NSUN6: variants seen among roughly 807,000 people sequenced by gnomAD.
NSUN6 encodes NOP2/Sun RNA methyltransferase 6, also known as tRNA (cytosine(72)-C(5))-methyltransferase NSUN6.
NSUN6 carries 64 observed loss-of-function variants against 58.0 expected under a neutral mutation model. The ratio of observed to expected loss-of-function variants is 1.10; its 90% CI spans 0.90 to 1.36. The LOEUF is 1.36. Among genes scored for constraint, NSUN6 ranks in the 40% most tolerant of loss-of-function variants. NSUN6 has a pLI of 0.00. For synonymous variants in NSUN6, 231 were observed against 193.9 expected (o/e 1.19, Z -1.59); for missense variants, 701 against 550.1 (o/e 1.27, Z -2.74).
intron 9 of NSUN6, 80 bp from the exon 10 acceptor site, chr10:18,548,317 T>C (rs2054408305): frequency 6.5e-6 from 8 of 1,228,448 alleles, no homozygotes; most frequent in Middle Eastern, 3.9e-4. Context: ...AAAGGTATAA[T>C]GTCTTTCAAA....
chr10:18,577,432 T>C (rs1008860824), intron 8 of NSUN6, among the ~76,000 whole-genome samples: 11 of 152,104 alleles, frequency 7.2e-5, no homozygotes, highest in Admixed American at 2.0e-4. Context: ...GCAGCCGTAA[T>C]GGGTGTACTT....
chr10:18,629,832 T>C (rs1590134602), intron 3 of NSUN6, among the ~76,000 whole-genome samples: 5 of 147,644 alleles, frequency 3.4e-5, no homozygotes, highest in African/African-American at 1.0e-4. Flanking sequence ...ACTGTCAACA[T>C]TACACAGATC....
At chr10:18,652,620 G>T, upstream of NSUN6, 1 of 932,896 alleles carries the variant, frequency 1.1e-6, no homozygotes, top group Non-Finnish European at 1.3e-6. Flanking sequence ...GAGTGGAATG[G>T]TGGGATCTCG....
In NSUN6 at chr10:18,548,193, C is replaced by T. The variant is rs761292595; in HGVS notation, c.1116G>A (p.Thr372=). 2.9e-5 allele frequency: 46 copies of T among 1,612,854 alleles called. 1 individual carries two copies. In the South Asian group the frequency reaches 3.7e-4, roughly 13 times the overall value. Reference sequence around the variant, plus strand: ...CATTTTCGGCCAGTGTTATAGTGCACGTGCTATAAACCAGCACACCCTCTG... The same window carrying T: ...CATTTTCGGCCAGTGTTATAGTGCATGTGCTATAAACCAGCACACCCTCTG... The part of the protein sequence containing the change: ...LKPEGVLVYS[T]CTITLAENEE... Residue 372 remains threonine, a synonymous_variant, in exon 10 of 11, where the codon ACG becomes ACA. Transcript: ENST00000377304.
chr10:18,586,061 G>A lies in NSUN6; in HGVS notation c.810C>T (p.Asn270=), dbSNP rs1372163441. 1.3e-5 allele frequency: 21 copies of A among 1,605,662 alleles called. No homozygotes were observed. Among genetic ancestry groups the A allele is most frequent in the Non-Finnish European group, 1.5e-5 (18 of 1,176,318 alleles). ...GEVIALDKIF[N]KVEKIKQNAL... ...CATTCTGTTTGATTTTTTCTACTTT[G>A]TTGAAGATTTTATCCAGTGCTATAA... The change falls in exon 8 of 11, where the codon AAC becomes AAT. Residue 270 remains asparagine (N), a synonymous_variant. Transcript: ENST00000377304.
chr10:18,559,815 A>G (rs972225233), intron 8 of NSUN6, among the ~76,000 whole-genome samples: 1 of 65,598 alleles, frequency 1.5e-5, no homozygotes, highest in East Asian at 2.4e-3. Flanking sequence ...AATGGAAAAG[A>G]GAATGGAATG....
At chr10:18,552,567 C>A (rs1374394384) in intron 8 of NSUN6, among the ~76,000 whole-genome samples, 1 of 152,032 alleles carries the variant, frequency 6.6e-6, no homozygotes, top group East Asian at 1.9e-4. Flanking sequence ...ACCAAGTGGT[C>A]TGTTTACATA....
upstream of NSUN6, chr10:18,654,916 G>A (rs933651801): frequency 1.0e-5 from 2 of 199,006 alleles, no homozygotes; most frequent in Non-Finnish European, 1.8e-5. Context: ...GGAAAGTAAA[G>A]GGAAGAATGA....
chr10:18,562,251 G>A (rs62648427), intron 8 of NSUN6, among the ~76,000 whole-genome samples: 1 of 150,918 alleles, frequency 6.6e-6, no homozygotes, highest in East Asian at 2.0e-4. Flanking sequence ...GAATGGATTG[G>A]ACAGGAATGC....
chr10:18,653,332 A>T (rs2059741134), upstream of NSUN6: 1 of 982,632 alleles, frequency 1.0e-6, no homozygotes, highest in East Asian at 1.1e-4. Context: ...GCCAGAAATT[A>T]CTTCACTAGT....
intron 2 of NSUN6, among the ~76,000 whole-genome samples, chr10:18,643,813 T>A (rs747980916): frequency 1.3e-5 from 2 of 152,206 alleles, no homozygotes; most frequent in Non-Finnish European, 2.9e-5. Flanking sequence ...TGATTTAGAC[T>A]ATAGAAATAT....
intron 6 of NSUN6, among the ~76,000 whole-genome samples, chr10:18,597,210 A>G (rs1363296187): frequency 6.6e-6 from 1 of 152,226 alleles, no homozygotes; most frequent in Non-Finnish European, 1.5e-5. Flanking sequence ...CAATTATATA[A>G]GGACTACTTA....
chr10:18,556,288 A>G (rs1407683129), intron 8 of NSUN6, among the ~76,000 whole-genome samples: 6 of 151,872 alleles, frequency 4.0e-5, no homozygotes, highest in Admixed American at 6.6e-5. Flanking sequence ...ATGGAATAGA[A>G]TGGAATGCAC....
intron 8 of NSUN6, among the ~76,000 whole-genome samples, chr10:18,558,321 C>CGG (rs2055203740): frequency 1.6e-5 from 2 of 127,328 alleles, no homozygotes; most frequent in South Asian, 2.5e-4. Context: ...GAATGGAGAA[C>CGG]AGAATGGAAT....
intron 8 of NSUN6, among the ~76,000 whole-genome samples, chr10:18,580,429 G>C (rs182630045): frequency 3.9e-5 from 6 of 152,210 alleles, no homozygotes; most frequent in African/African-American, 9.6e-5. Context: ...TCCCTAAGAG[G>C]GACAGGCTTG....
intron 3 of NSUN6, among the ~76,000 whole-genome samples, chr10:18,620,691 A>C (rs2058574234): frequency 6.6e-6 from 1 of 152,212 alleles, no homozygotes; most frequent in African/African-American, 2.4e-5. Context: ...GAAAATATTT[A>C]ACAATTTCTT....
chr10:18,557,107 C>CAGAATGGAATGGAAAGTAG (rs2055088038), intron 8 of NSUN6, among the ~76,000 whole-genome samples: 1 of 146,430 alleles, frequency 6.8e-6, no homozygotes, highest in African/African-American at 2.5e-5. Flanking sequence ...GAATAGTGTG[C>CAGAATGGAATGGAAAGTAG]AGAATGGAAT....
chr10:18,611,533 ATTTATTT>A (rs989282847), intron 5 of NSUN6, among the ~76,000 whole-genome samples: 9 of 151,904 alleles, frequency 5.9e-5, no homozygotes, highest in African/African-American at 1.9e-4. Context: ...TGTTGGTTTT[ATTTATTT>A]ATTTTCAGAC....
At position 18,579,600 on chromosome 10, in the gene NSUN6, C is replaced by G. The variant is rs1428052693; in HGVS notation, c.922+6349G>C. On this transcript the variant is annotated intron_variant, in intron 8 of 10. Coordinates refer to ENST00000377304, the MANE Select transcript of NSUN6 (RefSeq NM_182543.5). ...GGTTAAGAATGCGTCCATGACACAG[C>G]CTCAGAAAGTCCTGAGACATGTGCC... 2.0e-5 allele frequency among the ~76,000 whole-genome samples: 3 copies of G among 152,160 alleles called. No homozygotes were observed. The East Asian group carries it at 5.8e-4, about 29-fold the overall frequency.
Sources: allele counts gnomAD v4.1 joint callset (sites outside exome capture counted in the v4.1 genomes callset), GRCh38; gene constraint gnomAD v4.1.1; transcripts MANE v1.5; gene names NCBI Gene and HGNC (gene_info 2026-07-23, HGNC 2026-07-21).